The following LINGO2 variants were observed in gnomAD, a reference collection of about 807,000 sequenced individuals.
The protein encoded by LINGO2 is leucine-rich repeat and immunoglobulin-like domain-containing nogo receptor-interacting protein 2.
A neutral mutation model predicts 30.6 loss-of-function variants in LINGO2; 14 were observed. That is an observed-to-expected ratio of 0.46 (90% CI 0.30 to 0.72). The LOEUF (loss-of-function observed/expected upper bound fraction) is 0.72, where lower values mean the gene tolerates loss of function less well. Ranked by LOEUF, LINGO2 falls within the 30% of genes least tolerant of loss-of-function variation. LINGO2 has a pLI of 0.07. For missense variants in LINGO2, 729 were observed against 751.7 expected (o/e 0.97, Z 0.35); for synonymous variants, 317 against 288.5 (o/e 1.10, Z -1.00).
At chr9:29,189,087 G>T in the LINGO2 span, among the ~76,000 whole-genome samples, 1 of 82,978 alleles carries the variant, frequency 1.2e-5, no homozygotes, top group African/African-American at 3.4e-5. Flanking sequence ...TCCCGGACGG[G>T]GCGGCTGGCC....
At chr9:27,974,768 T>A (rs1820516314) in intron 5 of LINGO2, among the ~76,000 whole-genome samples, 1 of 152,006 alleles carries the variant, frequency 6.6e-6, no homozygotes, top group East Asian at 1.9e-4. Context: ...ATCACTAAGA[T>A]GAGAAAAGAA....
At chr9:28,803,517 T>C in the LINGO2 span, among the ~76,000 whole-genome samples, 1 of 151,796 alleles carries the variant, frequency 6.6e-6, no homozygotes, top group East Asian at 1.9e-4. Context: ...ATTTTTAATA[T>C]ATATATACTA....
chr9:29,140,052 C>G, the LINGO2 span, among the ~76,000 whole-genome samples: 1 of 152,038 alleles, frequency 6.6e-6, no homozygotes, highest in African/African-American at 2.4e-5. Context: ...GTTTGGGAAG[C>G]CCTCAGAATC....
chr9:28,377,372 CCTT>C (rs1361833754), intron 2 of LINGO2, among the ~76,000 whole-genome samples: 1 of 152,034 alleles, frequency 6.6e-6, no homozygotes, highest in Non-Finnish European at 1.5e-5. Flanking sequence ...CTTAATAACA[CCTT>C]CTTTCCTGCA....
At chr9:28,099,619 C>T (rs1326610374) in intron 4 of LINGO2, among the ~76,000 whole-genome samples, 1 of 152,182 alleles carries the variant, frequency 6.6e-6, no homozygotes, top group Non-Finnish European at 1.5e-5. Context: ...TGTTCTGTCA[C>T]CTCAGAATTA....
At chr9:28,858,463 T>A in the LINGO2 span, among the ~76,000 whole-genome samples, 1 of 152,100 alleles carries the variant, frequency 6.6e-6, no homozygotes, top group Non-Finnish European at 1.5e-5. Context: ...CACTATATTT[T>A]CATTTTTGTT....
At chr9:27,964,390 T>C (rs955646933) in intron 5 of LINGO2, among the ~76,000 whole-genome samples, 4 of 152,108 alleles carry the variant, frequency 2.6e-5, no homozygotes, top group African/African-American at 9.7e-5. Flanking sequence ...CTGAAGATAG[T>C]ATTTTGGTCT....
At chr9:28,046,678 G>C (rs978912690) in intron 4 of LINGO2, among the ~76,000 whole-genome samples, 1 of 152,018 alleles carries the variant, frequency 6.6e-6, no homozygotes, top group Non-Finnish European at 1.5e-5. Context: ...CTCTTAAAAT[G>C]TCTTATTTTA....
rs558942946 is a variant in LINGO2, at chr9:28,357,493, C to A, written c.-246+15343G>T. ...GGTTTTTCTATATGACAAATATTCA[C>A]CCCAAAATACAATCCTAAATTTGTT... On this transcript the variant is annotated intron_variant, in intron 3 of 5. Transcript: ENST00000379992. Among the ~76,000 whole-genome samples the A allele has an allele frequency of 7.2e-5, 11 of 152,020 alleles. No individual in the cohort carries two copies. In the South Asian group the frequency reaches 1.2e-3, roughly 17 times the overall value.
At chr9:28,586,980 C>T (rs2135683339) in intron 1 of LINGO2, among the ~76,000 whole-genome samples, 1 of 152,152 alleles carries the variant, frequency 6.6e-6, no homozygotes, top group South Asian at 2.1e-4. Flanking sequence ...TAACTTTAAC[C>T]TGTTTCTTCT....
At chr9:29,190,827 G>A in the LINGO2 span, among the ~76,000 whole-genome samples, 1 of 152,032 alleles carries the variant, frequency 6.6e-6, no homozygotes, top group Non-Finnish European at 1.5e-5. Context: ...AACTGGTATG[G>A]CATTGTCTCC....
chr9:28,237,042 TAAAA>T, intron 4 of LINGO2, among the ~76,000 whole-genome samples: 1 of 119,590 alleles, frequency 8.4e-6, no homozygotes, highest in East Asian at 2.5e-4. Context: ...AAATTAAAAA[TAAAA>T]AAATTTAAAG....
chr9:28,824,089 G>C, the LINGO2 span, among the ~76,000 whole-genome samples: 6 of 152,250 alleles, frequency 3.9e-5, no homozygotes, highest in Non-Finnish European at 8.8e-5. Flanking sequence ...CAAATAGTTA[G>C]TACTTGTTAT....
intron 3 of LINGO2, among the ~76,000 whole-genome samples, chr9:28,330,648 ATC>A (rs1228699735): frequency 6.6e-6 from 1 of 152,172 alleles, no homozygotes; most frequent in Non-Finnish European, 1.5e-5. Context: ...CCAAAATGTG[ATC>A]TGTTATTGTG....
At chr9:28,592,681 G>A (rs1824975162) in intron 1 of LINGO2, among the ~76,000 whole-genome samples, 1 of 152,032 alleles carries the variant, frequency 6.6e-6, no homozygotes, top group African/African-American at 2.4e-5. Flanking sequence ...AGGTATGGGT[G>A]TTATTTTTAG....
intron 1 of LINGO2, among the ~76,000 whole-genome samples, chr9:28,505,874 T>G (rs1473474683): frequency 1.3e-5 from 2 of 151,914 alleles, no homozygotes; most frequent in Non-Finnish European, 2.9e-5. Context: ...AACTAACTAC[T>G]ATCCCAAATA....
the LINGO2 span, among the ~76,000 whole-genome samples, chr9:29,079,339 T>A: frequency 6.6e-6 from 1 of 151,916 alleles, no homozygotes; most frequent in Non-Finnish European, 1.5e-5. Context: ...CTAATATCTA[T>A]TAATAAAAGG....
At chr9:28,876,170 G>A in the LINGO2 span, among the ~76,000 whole-genome samples, 6 of 151,988 alleles carry the variant, frequency 3.9e-5, no homozygotes, top group Non-Finnish European at 5.9e-5. Context: ...CGATTTTTAA[G>A]ACATTTTCAT....
At chr9:28,244,884 G>T (rs1821942296) in intron 4 of LINGO2, among the ~76,000 whole-genome samples, 1 of 150,250 alleles carries the variant, frequency 6.7e-6, no homozygotes, top group Non-Finnish European at 1.5e-5. Flanking sequence ...GTACAAAGAG[G>T]AACTGGTACC....
Sources: gnomAD v4.1 joint callset for allele counts (sites outside exome capture counted in the v4.1 genomes callset) on GRCh38, gnomAD v4.1.1 for gene constraint, MANE v1.5 for transcripts, NCBI Gene and HGNC (gene_info 2026-07-23, HGNC 2026-07-21) for gene names.